The following NEO1 variants were observed in gnomAD, a reference collection of about 807,000 sequenced individuals.
NEO1 encodes neogenin.
In NEO1, 63 loss-of-function variants were observed where a neutral mutation model predicts 159.7. That is an observed-to-expected ratio of 0.39 (90% CI 0.32 to 0.49). NEO1 has a LOEUF of 0.49. Ranked by LOEUF, NEO1 falls within the 20% of genes least tolerant of loss-of-function variation. The pLI, the probability that NEO1 is intolerant of heterozygous loss-of-function variation, is 0.85. For missense variants in NEO1, 1,615 were observed against 1,831.0 expected, an observed-to-expected ratio of 0.88 and a Z score of 2.15; for synonymous variants, 633 against 662.0, an observed-to-expected ratio of 0.96 and a Z score of 0.67.
intron 5 of NEO1, among the ~76,000 whole-genome samples, chr15:73,165,822 G>A (rs763466203): frequency 5.9e-5 from 9 of 152,192 alleles, no homozygotes; most frequent in Admixed American, 1.3e-4. Flanking sequence ...TCTCATTTAC[G>A]TAAGGTGAGA....
intron 5 of NEO1, among the ~76,000 whole-genome samples, chr15:73,170,431 C>T (rs1037381801): frequency 6.6e-5 from 10 of 152,094 alleles, no homozygotes; most frequent in Middle Eastern, 6.8e-3. Context: ...TTAAAAAATA[C>T]AAAATTGCTG....
At position 73,179,398 on chromosome 15, in the gene NEO1, C is replaced by A. The variant is rs114531404; in HGVS notation, c.1291+971C>A. Among the ~76,000 whole-genome samples the A allele has an allele frequency of 4.5e-3, 691 of 152,216 alleles. 3 individuals are homozygous for A. The highest frequency in any genetic ancestry group is 0.015 in the African/African-American group (615 of 41,538). ...AGAGAAGTTGATGTGGTGTTTTGCT[C>A]TCTAAACTTGCTCAAAATCTCCTTT... is the stretch of plus-strand genomic sequence containing the variant. On this transcript the variant is annotated intron_variant, in intron 7 of 28. Transcript: ENST00000261908.
chr15:73,192,102 T>C (rs1013601098), intron 7 of NEO1, among the ~76,000 whole-genome samples: 42 of 152,134 alleles, frequency 2.8e-4, no homozygotes, highest in Non-Finnish European at 4.4e-5. Context: ...TATTGTCTAC[T>C]TAAATAAAAG....
intron 9 of NEO1, among the ~76,000 whole-genome samples, chr15:73,246,113 C>T (rs1005229558): frequency 1.3e-5 from 2 of 152,180 alleles, no homozygotes; most frequent in African/African-American, 4.8e-5. Flanking sequence ...TGTAGAACTT[C>T]ACTTTCTAAT....
chr15:73,104,911 C>T (rs191359627), intron 1 of NEO1, among the ~76,000 whole-genome samples: 2 of 152,058 alleles, frequency 1.3e-5, no homozygotes, highest in East Asian at 1.9e-4. Context: ...AGGGGAAATG[C>T]GCCCCATGAT....
At chr15:73,288,630 T>C (rs2042041368) in intron 24 of NEO1, 79 bp downstream of exon 24, 2 of 1,266,602 alleles carry the variant, frequency 1.6e-6, no homozygotes, top group Admixed American at 1.9e-5. Flanking sequence ...TCCCTGAGTT[T>C]GCCTTCATTT....
intron 7 of NEO1, among the ~76,000 whole-genome samples, chr15:73,186,227 A>T (rs981160825): frequency 2.6e-5 from 4 of 152,140 alleles, no homozygotes; most frequent in Admixed American, 6.5e-5. Flanking sequence ...GTTTAAAAAA[A>T]AATAATTAAG....
intron 4 of NEO1, among the ~76,000 whole-genome samples, chr15:73,133,374 A>T (rs2031371447): frequency 6.6e-6 from 1 of 152,178 alleles, no homozygotes; most frequent in Non-Finnish European, 1.5e-5. Flanking sequence ...TAAGAATGGT[A>T]CAGTGGACTT....
Position 73,162,899 on chromosome 15 carries a change from G to A in NEO1, c.1016-13504G>A, listed in dbSNP as rs532161742. On this transcript the variant is annotated intron_variant, in intron 5 of 28. Transcript: ENST00000261908. ...GAAAAACATGGTCCTCAGGCCTCAG[G>A]GGCTCATGTTCATGTCCATTGAATC... The A allele has an allele frequency of 1.6e-5, 3 of 185,274 alleles. No homozygotes were observed. In the South Asian group the frequency reaches 3.8e-4, roughly 23 times the overall value. The allele number at this position is 185,274 out of a possible 1,614,324, so 11.5% of individuals were successfully genotyped here.
intron 5 of NEO1, among the ~76,000 whole-genome samples, chr15:73,154,831 C>A (rs2033657469): frequency 6.6e-6 from 1 of 152,138 alleles, no homozygotes. Flanking sequence ...AGCTCTTAAT[C>A]CATTTACGTT....
chr15:73,238,822 G>T (rs1028352209), intron 8 of NEO1, among the ~76,000 whole-genome samples: 6 of 151,064 alleles, frequency 4.0e-5, no homozygotes, highest in South Asian at 2.1e-4. Flanking sequence ...AATGATGGGG[G>T]TTTTTTTGTT....
At chr15:73,244,247 T>C (rs1454378399) in intron 8 of NEO1, 97 bp from the exon 9 acceptor site, 1 of 1,375,708 alleles carries the variant, frequency 7.3e-7, no homozygotes, top group African/African-American at 1.5e-5. Flanking sequence ...TAATTTGACT[T>C]ACACTGATAG....
At chr15:73,218,933 T>C (rs1219604187) in intron 7 of NEO1, among the ~76,000 whole-genome samples, 1 of 152,198 alleles carries the variant, frequency 6.6e-6, no homozygotes, top group Non-Finnish European at 1.5e-5. Context: ...TCAGTTCTGC[T>C]CTGATTTTAG....
intron 15 of NEO1, among the ~76,000 whole-genome samples, chr15:73,265,553 C>T (rs1357895713): frequency 6.6e-6 from 1 of 152,210 alleles, no homozygotes; most frequent in East Asian, 1.9e-4. Context: ...AAGCCTTGCA[C>T]ATGTGTATTA....
Position 73,279,351 on chromosome 15 carries a change from G to GTTT in NEO1, c.3262+1165_3262+1167dup, listed in dbSNP as rs869029902. 2.9e-4 allele frequency among the ~76,000 whole-genome samples: 35 copies of GTTT among 119,352 alleles called. 3 individuals carry two copies. Among genetic ancestry groups the GTTT allele is most frequent in the Admixed American group, 4.0e-4 (4 of 10,028 alleles). 78.3% of individuals were successfully genotyped at this position (119,352 alleles called of 152,430 possible). On this transcript the variant is annotated intron_variant, in intron 22 of 28. Transcript: ENST00000261908. The stretch of plus-strand genomic sequence containing the variant: ...ATGTTTTTTTGTTGTTTTGGTTTTG[G>GTTT]TTTTTTTTTTTTTTTGAGATGGAAT...
chr15:73,112,865 C>T (rs569859558), intron 1 of NEO1, among the ~76,000 whole-genome samples: 1 of 152,240 alleles, frequency 6.6e-6, no homozygotes, highest in East Asian at 1.9e-4. Flanking sequence ...TACATAGAAA[C>T]ATGTGCTTTT....
chr15:73,278,643 C>T (rs907349834), intron 22 of NEO1, among the ~76,000 whole-genome samples: 1 of 152,192 alleles, frequency 6.6e-6, no homozygotes, highest in Non-Finnish European at 1.5e-5. Flanking sequence ...GAGCTGGTGC[C>T]TTCTAATTTA....
chr15:73,052,886 G>T, intron 1 of NEO1, 81 bp downstream of exon 1: 1 of 190,402 alleles, frequency 5.3e-6, no homozygotes, highest in South Asian at 1.8e-4. Context: ...TTTTTGTTTA[G>T]GATCCAGGAG....
At chr15:73,284,278 GAGAA>G (rs1474716472) in intron 23 of NEO1, among the ~76,000 whole-genome samples, 2 of 152,272 alleles carry the variant, frequency 1.3e-5, no homozygotes, top group East Asian at 3.9e-4. Context: ...TGCTCCGCTA[GAGAA>G]AGAGAAATTC....
Sources: allele counts gnomAD v4.1 joint callset (sites outside exome capture counted in the v4.1 genomes callset), GRCh38; gene constraint gnomAD v4.1.1; transcripts MANE v1.5; gene names NCBI Gene and HGNC (gene_info 2026-07-23, HGNC 2026-07-21).